The following FBLN2 variants were observed in gnomAD, a reference collection of about 807,000 sequenced individuals.
The protein encoded by FBLN2 is fibulin 2.
In FBLN2, 81 loss-of-function variants were observed where a neutral mutation model predicts 123.7. The observed-to-expected ratio is 0.65, with a 90% CI of 0.55 to 0.79. The LOEUF (loss-of-function observed/expected upper bound fraction) is 0.79. FBLN2 is among the 30% of genes least tolerant of loss of function. The pLI, the probability that FBLN2 is intolerant of heterozygous loss-of-function variation, is 0.00. For synonymous variants in FBLN2, 699 were observed against 701.4 expected (o/e 1.00, Z 0.05); for missense variants, 1,603 against 1,681.3 (o/e 0.95, Z 0.81).
chr3:13,586,664 ATTTTTTT>A (rs539204519), intron 2 of FBLN2, among the ~76,000 whole-genome samples: 1 of 124,820 alleles, frequency 8.0e-6, no homozygotes, highest in Non-Finnish European at 1.6e-5. Flanking sequence ...TGCCCAGCTA[ATTTTTTT>A]TTTTTTTTTT....
At chr3:13,624,844 C>T (rs1003051250) in intron 9 of FBLN2, among the ~76,000 whole-genome samples, 2 of 152,274 alleles carry the variant, frequency 1.3e-5, no homozygotes, top group African/African-American at 4.8e-5. Context: ...ACCTGACCGC[C>T]GCCACAAGGT....
chr3:13,573,794 T>C (rs1398564878), intron 2 of FBLN2, among the ~76,000 whole-genome samples: 1 of 151,150 alleles, frequency 6.6e-6, no homozygotes, highest in Non-Finnish European at 1.5e-5. Context: ...TCCCAGCTAC[T>C]TGGGCGGCTG....
At chr3:13,576,285 C>T (rs1217179381) in intron 2 of FBLN2, among the ~76,000 whole-genome samples, 1 of 152,214 alleles carries the variant, frequency 6.6e-6, no homozygotes, top group Non-Finnish European at 1.5e-5. Flanking sequence ...CAGAGCCCCT[C>T]ATGCCCCCTC....
chr3:13,630,978 A>G (rs969016441), intron 15 of FBLN2, among the ~76,000 whole-genome samples, 163 bp downstream of exon 15: 4 of 152,200 alleles, frequency 2.6e-5, no homozygotes, highest in Non-Finnish European at 2.9e-5. Context: ...GACCTTGGGC[A>G]GATTGCCTCT....
At chr3:13,587,403 T>TGCAGTAGTGC (rs1457217613) in intron 2 of FBLN2, among the ~76,000 whole-genome samples, 4 of 152,222 alleles carry the variant, frequency 2.6e-5, no homozygotes, top group Non-Finnish European at 4.4e-5. Flanking sequence ...TTCTAAAATC[T>TGCAGTAGTGC]GCAGTAGTGC....
chr3:13,569,713 G>T (rs1291788073), intron 1 of FBLN2, among the ~76,000 whole-genome samples: 1 of 152,106 alleles, frequency 6.6e-6, no homozygotes, highest in Admixed American at 6.5e-5. Flanking sequence ...GGCTGTAGGG[G>T]GCGTCTTGTT....
chr3:13,586,919 C>T (rs547383864), intron 2 of FBLN2, among the ~76,000 whole-genome samples: 35 of 151,170 alleles, frequency 2.3e-4, no homozygotes, highest in Admixed American at 1.8e-3. Flanking sequence ...AGGCTGAGGG[C>T]GGATCACCTG....
At chr3:13,610,365 G>C (rs935447154) in intron 4 of FBLN2, among the ~76,000 whole-genome samples, 2 of 152,184 alleles carry the variant, frequency 1.3e-5, no homozygotes, top group Non-Finnish European at 2.9e-5. Context: ...GGCAGTTGTG[G>C]GGACCGGTTA....
chr3:13,585,089 G>C (rs913339596), intron 2 of FBLN2, among the ~76,000 whole-genome samples: 3 of 152,230 alleles, frequency 2.0e-5, no homozygotes, highest in Non-Finnish European at 4.4e-5. Flanking sequence ...GGCCCCTGGA[G>C]CCTGGATGCA....
At chr3:13,584,391 C>T (rs1000010557) in intron 2 of FBLN2, among the ~76,000 whole-genome samples, 4 of 152,156 alleles carry the variant, frequency 2.6e-5, no homozygotes, top group Admixed American at 2.0e-4. Flanking sequence ...GCCCTGACTC[C>T]AACCCAGGCT....
intron 2 of FBLN2, among the ~76,000 whole-genome samples, chr3:13,586,715 C>T (rs1704517513): frequency 6.9e-6 from 1 of 144,136 alleles, no homozygotes; most frequent in African/African-American, 2.6e-5. Flanking sequence ...TACCATGTTG[C>T]CCAGGCTGGT....
intron 2 of FBLN2, among the ~76,000 whole-genome samples, chr3:13,605,566 T>C (rs745328575): frequency 2.6e-5 from 4 of 152,226 alleles, no homozygotes; most frequent in South Asian, 2.1e-4. Context: ...AGCTCCTGCA[T>C]GTAGCATGGC....
intron 16 of FBLN2, among the ~76,000 whole-genome samples, chr3:13,633,954 A>AACACACACATACACACACAC (rs1706355291): frequency 1.8e-5 from 2 of 112,830 alleles, no homozygotes; most frequent in Non-Finnish European, 3.5e-5. Context: ...ACACACTGCA[A>AACACACACATACACACACAC]ACACACACAC....
intron 1 of FBLN2, among the ~76,000 whole-genome samples, chr3:13,550,846 G>A (rs1559394888): frequency 6.6e-6 from 1 of 152,220 alleles, no homozygotes; most frequent in Non-Finnish European, 1.5e-5. Flanking sequence ...GCCAGCCCCG[G>A]CTGTGGCTGG....
At chr3:13,554,810 A>C (rs747892827) in intron 1 of FBLN2, among the ~76,000 whole-genome samples, 1 of 152,160 alleles carries the variant, frequency 6.6e-6, no homozygotes, top group African/African-American at 2.4e-5. Flanking sequence ...AGAGGGTGTC[A>C]GCTTCCTTTC....
At chr3:13,586,868 C>G (rs1039497531) in intron 2 of FBLN2, among the ~76,000 whole-genome samples, 4 of 150,896 alleles carry the variant, frequency 2.7e-5, no homozygotes, top group Non-Finnish European at 1.5e-5. Context: ...TGAAAATAGG[C>G]TGGGTGCGGT....
intron 16 of FBLN2, among the ~76,000 whole-genome samples, chr3:13,635,753 A>G (rs1706439340): frequency 6.6e-6 from 1 of 152,148 alleles, no homozygotes; most frequent in Non-Finnish European, 1.5e-5. Flanking sequence ...CAGGCACTCC[A>G]CTGGGCACTG....
In FBLN2 at chr3:13,555,297, A is replaced by C. The variant is rs1703433227; in HGVS notation, c.-42+6089A>C. Among the ~76,000 whole-genome samples the C allele has an allele frequency of 2.0e-5, 3 of 152,122 alleles. No homozygotes were observed. The South Asian group carries it at 6.2e-4, about 32-fold the overall frequency. On this transcript the variant is annotated intron_variant, in intron 1 of 17. Coordinates refer to ENST00000404922, the MANE Select transcript of FBLN2 (RefSeq NM_001004019.2). ...GAAACCTTTGATCACAACTGTAGAC[A>C]GAAATCAGGATCACTTGTCCTAAAC...
intron 2 of FBLN2, among the ~76,000 whole-genome samples, chr3:13,602,910 C>CTTTTT (rs199820446): frequency 6.8e-6 from 1 of 148,128 alleles, no homozygotes. Context: ...TTCTTTCTTT[C>CTTTTT]TTTCTTTTTT....
Sources: allele counts gnomAD v4.1 joint callset (sites outside exome capture counted in the v4.1 genomes callset), GRCh38; gene constraint gnomAD v4.1.1; transcripts MANE v1.5; gene names NCBI Gene and HGNC (gene_info 2026-07-23, HGNC 2026-07-21).